POM121: variants seen among roughly 807,000 people sequenced by gnomAD.
The protein encoded by POM121 is nuclear envelope pore membrane protein POM 121.
In POM121, 32 loss-of-function variants were observed where a neutral mutation model predicts 81.3. That is an observed-to-expected ratio of 0.39 (90% CI 0.30 to 0.53). The LOEUF (loss-of-function observed/expected upper bound fraction) is 0.53. Ranked by LOEUF, POM121 falls within the 20% of genes least tolerant of loss-of-function variation. The pLI is 0.66. For synonymous variants in POM121, 514 were observed against 694.2 expected (o/e 0.74, Z 4.08); for missense variants, 1,138 against 1,614.6 (o/e 0.70, Z 5.06).
chr7:72,925,229 C>T lies in POM121; in HGVS notation c.108C>T (p.Leu36=), dbSNP rs782218441. ...RGCGGPARAV[L]LGLSLVGLLL... ...GCGGCGGGCCGGCCAGGGCGGTGCT[C>T]CTGGGCCTGTCGCTGGTTGGCCTCT... is the stretch of plus-strand genomic sequence containing the variant. Residue 36 remains leucine (L), a synonymous_variant, in exon 1 of 13, where the codon CTC becomes CTT. Coordinates refer to ENST00000434423, the MANE Select transcript of POM121 (RefSeq NM_001387691.1). 3.3e-6 allele frequency: 5 copies of T among 1,533,408 alleles called. No homozygotes were observed. The highest frequency in any genetic ancestry group is 2.4e-5 in the East Asian group (1 of 40,840). The allele number at this position is 1,533,408 out of a possible 1,614,324, so 95.0% of individuals were successfully genotyped here. A position where few individuals can be genotyped will look rare whatever the true frequency, so the allele number is the denominator to read the frequency against.
At chr7:72,929,253 C>T (rs1400118233) in intron 4 of POM121, among the ~76,000 whole-genome samples, 2 of 152,114 alleles carry the variant, frequency 1.3e-5, no homozygotes, top group African/African-American at 4.8e-5. Flanking sequence ...AAGGACTGTC[C>T]CTTGAAAGAA....
At chr7:72,934,628 T>G (rs1164476204) in intron 5 of POM121, among the ~76,000 whole-genome samples, 2 of 152,188 alleles carry the variant, frequency 1.3e-5, no homozygotes, top group Non-Finnish European at 2.9e-5. Context: ...TATATGTAAA[T>G]CCATAAACCA....
intron 3 of POM121, among the ~76,000 whole-genome samples, chr7:72,894,688 G>A (rs1223583069): frequency 1.5e-5 from 2 of 129,528 alleles, no homozygotes; most frequent in African/African-American, 3.5e-5. Flanking sequence ...AGAGATCTCC[G>A]TCCCTGTCGC....
intron 3 of POM121, among the ~76,000 whole-genome samples, chr7:72,899,277 G>A (rs1792323975): frequency 6.6e-6 from 1 of 152,020 alleles, no homozygotes; most frequent in Admixed American, 6.6e-5. Flanking sequence ...GAGCCACAGT[G>A]CCCGGCCTAT....
At chr7:72,900,360 C>A (rs1792481315) in intron 3 of POM121, among the ~76,000 whole-genome samples, 1 of 132,578 alleles carries the variant, frequency 7.5e-6, no homozygotes, top group Non-Finnish European at 1.7e-5. Context: ...TGCATCCTCT[C>A]TTTTTGCTTT....
At chr7:72,949,142 T>G, downstream of POM121, 1 of 1,381,414 alleles carries the variant, frequency 7.2e-7, no homozygotes. Context: ...CTTCACAGGC[T>G]GCCTCAGTCC....
chr7:72,916,109 G>A (rs1266304459), intron 4 of POM121, among the ~76,000 whole-genome samples: 8 of 152,096 alleles, frequency 5.3e-5, no homozygotes, highest in African/African-American at 1.4e-4. Context: ...ATTTTCTCCC[G>A]TTCTGTAGGT....
At position 72,946,435 on chromosome 7, in the gene POM121, T is replaced by G. The variant is rs1797697956; in HGVS notation, c.*201T>G. ...AAGCCTCAGGGAAGGGGAAGCAGGA[T>G]GCGGAGGGCCAAAGCCCGGGACCTC... On this transcript the variant is annotated 3_prime_UTR_variant, in exon 13 of 13. Coordinates refer to ENST00000434423, the MANE Select transcript of POM121 (RefSeq NM_001387691.1). The G allele has an allele frequency of 7.1e-7, 1 of 1,412,080 alleles. No individual in the cohort carries two copies. Among genetic ancestry groups the G allele is most frequent in the Non-Finnish European group, 9.3e-7 (1 of 1,080,376 alleles). The allele number at this position is 1,412,080 out of a possible 1,614,324, so 87.5% of individuals were successfully genotyped here.
chr7:72,946,157 T>C lies in POM121; in HGVS notation c.3673T>C (p.Ser1225Pro). 1 of 1,611,738 alleles carries C rather than the reference T, an allele frequency of 6.2e-7. No homozygotes were observed. The highest frequency in any genetic ancestry group is 2.2e-5 in the East Asian group (1 of 44,862). The change falls in exon 13 of 13, where the codon TCC becomes CCC. Residue 1225 changes from serine (S) to proline (P), a missense_variant. Ser to Pro is a moderately conservative substitution (Grantham distance 74, BLOSUM62 -1). Around this residue, in one of 7 missense-constraint regions of POM121, gnomAD observed 336 missense variants for 344.3 expected, o/e 0.98. Transcript: ENST00000434423. Reference sequence around the variant, plus strand: ...TCCAGGATCGGCGGCCCTTTCATTTTCCATTGGTGCGGGATCCAAGACCCC... The same window carrying C: ...TCCAGGATCGGCGGCCCTTTCATTTCCCATTGGTGCGGGATCCAAGACCCC... ...APFGSAALSF[S>P]IGAGSKTPGA...
chr7:72,941,833 C>T lies in POM121; in HGVS notation c.1844-4C>T, dbSNP rs1797101705. 7.3e-7 allele frequency: 1 copy of T among 1,373,702 alleles called. No individual in the cohort carries two copies. The highest frequency in any genetic ancestry group is 9.9e-7 in the Non-Finnish European group (1 of 1,006,578). 85.1% of individuals were successfully genotyped at this position (1,373,702 alleles called of 1,614,324 possible). A position where few individuals can be genotyped will look rare whatever the true frequency, so the allele number is the denominator to read the frequency against. On this transcript the variant is annotated splice_region_variant and splice_polypyrimidine_tract_variant and intron_variant, in intron 10 of 12. Transcript: ENST00000434423. The stretch of plus-strand genomic sequence containing the variant: ...CAATTTCACATTTTCTATTCTTCTT[C>T]CAGAATCTGCTGGAGCAGCAACCAC...
At chr7:72,884,010 ATCC>A (rs782448939) in intron 1 of POM121, among the ~76,000 whole-genome samples, 11 of 152,096 alleles carry the variant, frequency 7.2e-5, no homozygotes, top group Non-Finnish European at 1.2e-4. Context: ...TGCTCAAGTG[ATCC>A]TCCCACTTCA....
chr7:72,894,679 G>T (rs1586079643), intron 3 of POM121, among the ~76,000 whole-genome samples: 1 of 139,070 alleles, frequency 7.2e-6, no homozygotes, highest in Non-Finnish European at 1.6e-5. Context: ...GAGAGAGAGA[G>T]AGATCTCCGT....
intron 3 of POM121, among the ~76,000 whole-genome samples, chr7:72,891,940 C>G (rs1791335553): frequency 6.6e-6 from 1 of 152,138 alleles, no homozygotes; most frequent in Non-Finnish European, 1.5e-5. Context: ...GTTATTTCCC[C>G]AAGTCCATGC....
At chr7:72,893,976 A>G (rs1396178561) in intron 3 of POM121, among the ~76,000 whole-genome samples, 1 of 152,088 alleles carries the variant, frequency 6.6e-6, no homozygotes, top group Non-Finnish European at 1.5e-5. Context: ...CTCTTTTTTA[A>G]GAGACAAGGT....
At chr7:72,945,534 G>A (rs1371126200) in intron 11 of POM121, 52 bp from the exon 12 acceptor site, 184 of 1,606,516 alleles carry the variant, frequency 1.1e-4, no homozygotes, top group Non-Finnish European at 1.3e-4. Flanking sequence ...CCGGCTCCTC[G>A]CTTGCCTCTG....
intron 1 of POM121, among the ~76,000 whole-genome samples, chr7:72,884,213 A>G (rs1790448498): frequency 1.3e-5 from 2 of 152,176 alleles, no homozygotes; most frequent in South Asian, 4.1e-4. Flanking sequence ...ATACTTTTCT[A>G]AAGATAAATT....
rs1429815080 is a variant in POM121 at position 72,898,523 on chromosome 7, G to A, written c.-216+7413G>A. On this transcript the variant is annotated intron_variant, in intron 3 of 15. Coordinates refer to the POM121 transcript ENST00000395270. ...ATAAAAATGCTGGAGTCAGTCAGGC[G>A]TGTTGGCTCACGCCTGTAATCCCAA... 4.6e-5 allele frequency among the ~76,000 whole-genome samples: 7 copies of A among 152,238 alleles called. No individual in the cohort carries two copies. The South Asian group carries it at 1.2e-3, about 27-fold the overall frequency.
At chr7:72,894,626 G>GGAGAGAGAGAGAGA (rs71071923) in intron 3 of POM121, among the ~76,000 whole-genome samples, 1 of 23,324 alleles carries the variant, frequency 4.3e-5, no homozygotes, top group Non-Finnish European at 1.0e-4. Flanking sequence ...GAGAGAGAGA[G>GGAGAGAGAGAGAGA]GAGAGAGAGA....
At chr7:72,927,109 A>G in intron 3 of POM121, 146 bp downstream of exon 3, 4 of 1,344,344 alleles carry the variant, frequency 3.0e-6, no homozygotes, top group Non-Finnish European at 4.1e-6. Flanking sequence ...GAGGAATCTA[A>G]TAACAAGGGT....
Sources: allele counts gnomAD v4.1 joint callset (sites outside exome capture counted in the v4.1 genomes callset), GRCh38; gene constraint gnomAD v4.1.1; regional missense constraint gnomAD v4.1.1; transcripts MANE v1.5; gene names NCBI Gene and HGNC (gene_info 2026-07-23, HGNC 2026-07-21).